The following FGGY variants were observed in gnomAD, a reference collection of about 807,000 sequenced individuals.
FGGY encodes FGGY carbohydrate kinase domain-containing protein.
A neutral mutation model predicts 71.3 loss-of-function variants in FGGY; 72 were observed. The observed-to-expected ratio is 1.01, with a 90% CI of 0.84 to 1.23. The LOEUF is 1.23. Among genes scored for constraint, FGGY ranks in the 50% most tolerant of loss-of-function variants. The probability of loss-of-function intolerance (pLI) is 0.00; values close to 1 mark genes in which losing one functional copy is unlikely to be tolerated. For synonymous variants in FGGY, 251 were observed against 250.3 expected (o/e 1.00, Z -0.02); for missense variants, 668 against 682.3 (o/e 0.98, Z 0.23).
At chr1:59,728,012 T>C (rs2097969855) in intron 14 of FGGY, among the ~76,000 whole-genome samples, 1 of 152,186 alleles carries the variant, frequency 6.6e-6, no homozygotes, top group South Asian at 2.1e-4. Context: ...AATCAGTGTA[T>C]TTAGACAATT....
At chr1:59,564,142 T>C (rs2095838956) in intron 8 of FGGY, among the ~76,000 whole-genome samples, 1 of 152,196 alleles carries the variant, frequency 6.6e-6, no homozygotes. Flanking sequence ...AAAGACTTCA[T>C]GACTAAAACA....
At chr1:59,644,598 T>C (rs1242935347) in intron 11 of FGGY, among the ~76,000 whole-genome samples, 2 of 151,984 alleles carry the variant, frequency 1.3e-5, no homozygotes, top group East Asian at 3.9e-4. Flanking sequence ...TTTAGGTTCA[T>C]TAAAAACAAG....
At chr1:59,683,408 T>G (rs1269297638) in intron 14 of FGGY, among the ~76,000 whole-genome samples, 1 of 152,168 alleles carries the variant, frequency 6.6e-6, no homozygotes, top group East Asian at 1.9e-4. Context: ...GGGGATTGCC[T>G]TATATGGAGA....
At chr1:59,492,743 G>A (rs1230079341) in intron 6 of FGGY, among the ~76,000 whole-genome samples, 1 of 152,010 alleles carries the variant, frequency 6.6e-6, no homozygotes, top group Non-Finnish European at 1.5e-5. Flanking sequence ...TCACACCAGT[G>A]TCAAGTCAGT....
At position 59,457,077 on chromosome 1, in the gene FGGY, G is replaced by A. The variant is rs78573322; in HGVS notation, c.670+1G>A. On this transcript the variant is annotated splice_donor_variant, in intron 6 of 15. Transcript: ENST00000303721. LOFTEE classifies it high-confidence loss of function. Reference sequence around the variant, plus strand: ...GTTGCAGATAATTACAGCAAAATAGGTAAAAGAATAAAACATCTGTAGAGT... The same window carrying A: ...GTTGCAGATAATTACAGCAAAATAGATAAAAGAATAAAACATCTGTAGAGT... 54 of 1,597,508 alleles carry A rather than the reference G, an allele frequency of 3.4e-5. No homozygotes were observed. Among genetic ancestry groups the A allele is most frequent in the Middle Eastern group, 3.3e-4 (2 of 6,042 alleles).
chr1:59,457,954 A>G (rs146008978), intron 6 of FGGY, among the ~76,000 whole-genome samples: 1 of 152,288 alleles, frequency 6.6e-6, no homozygotes, highest in African/African-American at 2.4e-5. Flanking sequence ...CTTGTTTTAT[A>G]TATTTCTCAC....
chr1:59,602,679 C>T (rs1371957169), intron 8 of FGGY, among the ~76,000 whole-genome samples: 1 of 152,126 alleles, frequency 6.6e-6, no homozygotes, highest in African/African-American at 2.4e-5. Flanking sequence ...CCGGGCTGCC[C>T]TTCCTCTCTG....
chr1:59,452,599 G>A (rs1318377036), intron 5 of FGGY, among the ~76,000 whole-genome samples: 1 of 152,118 alleles, frequency 6.6e-6, no homozygotes, highest in Non-Finnish European at 1.5e-5. Context: ...TAATGTTTTT[G>A]TTTTGCCTAC....
chr1:59,309,024 G>A (rs1447428355), intron 1 of FGGY, among the ~76,000 whole-genome samples: 3 of 151,672 alleles, frequency 2.0e-5, no homozygotes, highest in Non-Finnish European at 4.4e-5. Flanking sequence ...GATTTTTTTT[G>A]TATCTTTTTG....
At chr1:59,436,921 G>A (rs1225165308) in intron 5 of FGGY, among the ~76,000 whole-genome samples, 2 of 152,196 alleles carry the variant, frequency 1.3e-5, no homozygotes, top group African/African-American at 4.8e-5. Context: ...GGAGGTGGGT[G>A]TTTACAAGTT....
Position 59,418,203 on chromosome 1 carries a change from G to C in FGGY, c.555-38758G>C, listed in dbSNP as rs182171573. 2.3e-3 allele frequency among the ~76,000 whole-genome samples: 355 copies of C among 152,272 alleles called. 2 individuals are homozygous for C. The South Asian group carries it at 0.037, about 16-fold the overall frequency. ...GAACTGGGGCAGGGGTTGAGTGGGA[G>C]GGCAAAATTCTAGACCAGGGCTTGG... is the stretch of plus-strand genomic sequence containing the variant. On this transcript the variant is annotated intron_variant, in intron 5 of 15. Transcript: ENST00000303721.
chr1:59,733,594 G>T (rs2098068879), intron 14 of FGGY, among the ~76,000 whole-genome samples: 1 of 152,260 alleles, frequency 6.6e-6, no homozygotes, highest in Non-Finnish European at 1.5e-5. Context: ...ATGACTGGCT[G>T]ATGTAAGCTT....
chr1:59,689,566 A>C (rs545365922), intron 14 of FGGY, among the ~76,000 whole-genome samples: 1 of 152,226 alleles, frequency 6.6e-6, no homozygotes. Flanking sequence ...CTTTAAAAAA[A>C]AAAACGTTAA....
At chr1:59,324,606 T>A (rs916616336) in intron 2 of FGGY, among the ~76,000 whole-genome samples, 11 of 152,126 alleles carry the variant, frequency 7.2e-5, no homozygotes, top group African/African-American at 2.7e-4. Context: ...GTTTTGATTG[T>A]TCTCTCTGTT....
chr1:59,594,121 C>T (rs773773621), intron 8 of FGGY, among the ~76,000 whole-genome samples: 3 of 152,186 alleles, frequency 2.0e-5, no homozygotes, highest in Non-Finnish European at 4.4e-5. Context: ...CCCAGCAACC[C>T]TCATCTGGCA....
chr1:59,752,371 C>G (rs6666842), intron 14 of FGGY, among the ~76,000 whole-genome samples: 17,032 of 152,144 alleles, frequency 0.11, 1,400 homozygotes, highest in East Asian at 0.22. Context: ...CTTGTTTCCA[C>G]CACACTAAGT....
At chr1:59,615,975 A>G (rs1312189086) in intron 9 of FGGY, among the ~76,000 whole-genome samples, 2 of 152,202 alleles carry the variant, frequency 1.3e-5, no homozygotes, top group Admixed American at 6.5e-5. Flanking sequence ...TAGAATGGCA[A>G]TCATTAAAAA....
At chr1:59,652,095 G>A (rs1210037766) in intron 11 of FGGY, among the ~76,000 whole-genome samples, 5 of 152,110 alleles carry the variant, frequency 3.3e-5, no homozygotes, top group African/African-American at 1.2e-4. Context: ...CTCTCTTCTG[G>A]CTTGTAGGGT....
intron 14 of FGGY, among the ~76,000 whole-genome samples, chr1:59,716,924 G>C (rs980674532): frequency 1.3e-5 from 2 of 152,174 alleles, no homozygotes; most frequent in African/African-American, 4.8e-5. Flanking sequence ...AAATCAGAAT[G>C]AGTAAATAAT....
Sources: allele counts gnomAD v4.1 joint callset (sites outside exome capture counted in the v4.1 genomes callset), GRCh38; gene constraint gnomAD v4.1.1; transcripts MANE v1.5; gene names NCBI Gene and HGNC (gene_info 2026-07-23, HGNC 2026-07-21).